The following FGD6 variants were observed in gnomAD, a reference collection of about 807,000 sequenced individuals.
The protein encoded by FGD6 is FYVE, RhoGEF and PH domain containing 6.
FGD6 carries 90 observed loss-of-function variants against 149.4 expected under a neutral mutation model. The ratio of observed to expected loss-of-function variants is 0.60; its 90% CI spans 0.51 to 0.72. The LOEUF (loss-of-function observed/expected upper bound fraction) is 0.72, where lower values mean the gene tolerates loss of function less well. Among genes scored for constraint, FGD6 ranks in the 30% least tolerant of loss-of-function variants. The pLI, the probability that FGD6 is intolerant of heterozygous loss-of-function variation, is 0.00. For missense variants in FGD6, 1,437 were observed against 1,684.8 expected (o/e 0.85, Z 2.57); for synonymous variants, 527 against 584.0 (o/e 0.90, Z 1.41).
intron 20 of FGD6, among the ~76,000 whole-genome samples, chr12:95,082,113 G>A (rs1436708136): frequency 6.6e-6 from 1 of 152,108 alleles, no homozygotes; most frequent in East Asian, 1.9e-4. Flanking sequence ...CATGTATAAA[G>A]GTTCTATGAA....
At chr12:95,082,986 A>T (rs1323761306) in intron 20 of FGD6, among the ~76,000 whole-genome samples, 20 of 38,020 alleles carry the variant, frequency 5.3e-4, no homozygotes, top group Admixed American at 9.3e-4. Context: ...GTCTCCATTA[A>T]AAAAAAAAAA....
intron 13 of FGD6, among the ~76,000 whole-genome samples, chr12:95,106,419 C>T (rs1166390232): frequency 8.9e-5 from 13 of 145,326 alleles, no homozygotes; most frequent in Admixed American, 2.1e-4. Context: ...TACAGGTGTG[C>T]GCCACCACGC....
chr12:95,168,233 T>C (rs1198715218), intron 3 of FGD6, among the ~76,000 whole-genome samples: 1 of 152,212 alleles, frequency 6.6e-6, no homozygotes, highest in African/African-American at 2.4e-5. Context: ...AACAAAATAC[T>C]ACCTTACATG....
At chr12:95,158,076 G>C (rs547089496) in intron 3 of FGD6, among the ~76,000 whole-genome samples, 1 of 151,484 alleles carries the variant, frequency 6.6e-6, no homozygotes, top group South Asian at 2.1e-4. Flanking sequence ...TCGATCTCCT[G>C]ACCTCGTGAT....
rs1158755789 is a variant in FGD6 at position 95,209,838 on chromosome 12, C to G, written c.1446G>C (p.Lys482Asn). Residue 482 changes from lysine (K) to asparagine (N), a missense_variant, in exon 2 of 21, where the codon AAG becomes AAC. Lys to Asn is a moderately conservative substitution (Grantham distance 94). Coordinates refer to ENST00000343958, the MANE Select transcript of FGD6 (RefSeq NM_018351.4). The part of the protein sequence containing the change: ...NLGVSAPQMQ[K>N]ESVIKEENSL... ...AATTTTCCTCTTTTATAACAGATTCCTTTTGCATTTGAGGGGCAGAAACTC... is the reference window on the plus strand; with the variant it reads ...AATTTTCCTCTTTTATAACAGATTCGTTTTGCATTTGAGGGGCAGAAACTC... The G allele has an allele frequency of 1.2e-6, 2 of 1,607,476 alleles. No homozygotes were observed. Among genetic ancestry groups the G allele is most frequent in the Non-Finnish European group, 8.5e-7 (1 of 1,178,508 alleles).
rs751217978 is a variant in FGD6 at position 95,210,238 on chromosome 12, G to A, written c.1046C>T (p.Ser349Phe). 14 of 1,613,986 alleles carry A rather than the reference G, an allele frequency of 8.7e-6. No individual in the cohort carries two copies. The highest frequency in any genetic ancestry group is 2.2e-5 in the South Asian group (2 of 91,086). ...TTTCAAACTATTTTCAGTAAGACAGGAAGAGCTACTGTCTGAATTCCCCGG... is the reference window on the plus strand; with the variant it reads ...TTTCAAACTATTTTCAGTAAGACAGAAAGAGCTACTGTCTGAATTCCCCGG... The part of the protein sequence containing the change: ...EEPGNSDSSS[S>F]CLTENSLKIN... Residue 349 changes from serine (S) to phenylalanine (F), a missense_variant, in exon 2 of 21, where the codon TCC (serine) becomes TTC (phenylalanine). Ser to Phe is a radical substitution (Grantham distance 155). Coordinates refer to ENST00000343958, the MANE Select transcript of FGD6 (RefSeq NM_018351.4).
rs141232857 is a variant in FGD6, at chr12:95,210,601, G to T, written c.683C>A (p.Ser228Tyr). The T allele has an allele frequency of 8.4e-4, 1,360 of 1,614,164 alleles. 11 individuals are homozygous for T. The African/African-American group carries it at 0.01, about 12-fold the overall frequency. ...AGGAACTTTTTCAAAGCTGGATGGGGAAGGTGACAAATCCGCAAATTCAAT... is the reference window on the plus strand; with the variant it reads ...AGGAACTTTTTCAAAGCTGGATGGGTAAGGTGACAAATCCGCAAATTCAAT... ...FRIEFADLSP[S>Y]PSSFEKVPDH... Residue 228 changes from serine to tyrosine, a missense_variant, in exon 2 of 21, where the codon TCC (serine) becomes TAC (tyrosine). Physicochemically the swap from Ser to Tyr is moderately radical, Grantham distance 144. Coordinates refer to ENST00000343958, the MANE Select transcript of FGD6 (RefSeq NM_018351.4).
intron 8 of FGD6, chr12:95,116,772 C>T (rs1241790840): frequency 4.4e-6 from 2 of 451,704 alleles, no homozygotes; most frequent in East Asian, 1.4e-4. Flanking sequence ...ATCCATCAAC[C>T]CATCCATCCA....
Position 95,114,535 on chromosome 12 carries a change from C to CA in FGD6, c.3083-835dup, listed in dbSNP as rs1196338300. 1.6e-3 allele frequency among the ~76,000 whole-genome samples: 215 copies of CA among 135,792 alleles called. 2 individuals are homozygous for CA. Among genetic ancestry groups the CA allele is most frequent in the African/African-American group, 5.1e-3 (187 of 36,684 alleles). The allele number at this position is 135,792 out of a possible 152,430, so 89.1% of individuals were successfully genotyped here. A position where few individuals can be genotyped will look rare whatever the true frequency, so the allele number is the denominator to read the frequency against. On this transcript the variant is annotated intron_variant, in intron 8 of 20. Coordinates refer to ENST00000343958, the MANE Select transcript of FGD6 (RefSeq NM_018351.4). Reference sequence around the variant, plus strand: ...AATATCTTATAATGCAGCCCTGCAACAAAAAAAAAAATTATCTGACCCCAA... The same window carrying CA: ...AATATCTTATAATGCAGCCCTGCAACAAAAAAAAAAAATTATCTGACCCCAA...
Position 95,210,020 on chromosome 12 carries a change from A to G in FGD6, c.1264T>C (p.Ser422Pro), listed in dbSNP as rs992800831. 1.2e-6 allele frequency: 2 copies of G among 1,613,472 alleles called. No individual in the cohort carries two copies. Among genetic ancestry groups the G allele is most frequent in the African/African-American group, 1.3e-5 (1 of 74,862 alleles). ...EKMAPSFDKD[S>P]NLSSDSTTVD... ...GTTGTGCTGTCAGAACTCAAATTAG[A>G]GTCTTTATCAAAAGAAGGTGCCATT... Residue 422 changes from serine to proline, a missense_variant, in exon 2 of 21, where the codon TCT (serine) becomes CCT (proline). Coordinates refer to ENST00000343958, the MANE Select transcript of FGD6 (RefSeq NM_018351.4).
At chr12:95,172,253 G>C (rs1881014792) in intron 3 of FGD6, among the ~76,000 whole-genome samples, 2 of 152,184 alleles carry the variant, frequency 1.3e-5, no homozygotes, top group South Asian at 4.1e-4. Flanking sequence ...GCAGGTGTCT[G>C]TAATGCCAGG....
At chr12:95,118,759 C>T (rs1879099551) in intron 8 of FGD6, among the ~76,000 whole-genome samples, 1 of 152,148 alleles carries the variant, frequency 6.6e-6, no homozygotes, top group African/African-American at 2.4e-5. Context: ...GCAACACATA[C>T]AGAATTATGG....
chr12:95,160,859 T>C lies in FGD6; in HGVS notation c.2587-7866A>G, dbSNP rs142623570. ...AGCCTGGGTGACGAGAGCAAAACTC[T>C]GTCTCAAAAAAACAAAACAAACAAA... On this transcript the variant is annotated intron_variant, in intron 3 of 20. Coordinates refer to ENST00000343958, the MANE Select transcript of FGD6 (RefSeq NM_018351.4). 6.3e-3 allele frequency among the ~76,000 whole-genome samples: 940 copies of C among 149,390 alleles called. 16 individuals are homozygous for C. The highest frequency in any genetic ancestry group is 0.022 in the African/African-American group (890 of 40,504).
At chr12:95,089,486 C>T in intron 18 of FGD6, 83 bp downstream of exon 18, 1 of 1,471,706 alleles carries the variant, frequency 6.8e-7, no homozygotes, top group East Asian at 2.3e-5. Flanking sequence ...ATGACATCTT[C>T]CTTTATGAAA....
At chr12:95,153,214 C>A (rs1235736603) in intron 3 of FGD6, among the ~76,000 whole-genome samples, 1 of 152,198 alleles carries the variant, frequency 6.6e-6, no homozygotes, top group African/African-American at 2.4e-5. Context: ...CTGTCATTAG[C>A]TGGATTGATG....
rs779790999 is a variant in FGD6, at chr12:95,146,203, TCTTTAA to T, written c.2686-4670_2686-4665del. On this transcript the variant is annotated intron_variant, in intron 5 of 20. Transcript: ENST00000343958. ...ATTCACACAGGAACCACACGCAGAA[TCTTTAA>T]CTTCTCAGCTCTTCACGAACCTCAG... is the stretch of plus-strand genomic sequence containing the variant. Among the ~76,000 whole-genome samples, 13 of 152,288 alleles carry T rather than the reference TCTTTAA, an allele frequency of 8.5e-5. No individual in the cohort carries two copies. The South Asian group carries it at 2.7e-3, about 32-fold the overall frequency.
rs1878649597 is a variant in FGD6, at chr12:95,106,976, ATGT to A, written c.3392_3394del (p.Asn1131del). On this transcript the variant is annotated inframe_deletion, in exon 13 of 21. Coordinates refer to ENST00000343958, the MANE Select transcript of FGD6 (RefSeq NM_018351.4). The stretch of plus-strand genomic sequence containing the variant: ...CACCTTCATTCCAGCCAGTGAGAGC[ATGT>A]TGTTCAGTTTATACATCCCAGACTG... 6.2e-7 allele frequency: 1 copy of A among 1,613,574 alleles called. No homozygotes were observed. Among genetic ancestry groups the A allele is most frequent in the African/African-American group, 1.3e-5 (1 of 74,904 alleles).
chr12:95,161,831 C>T (rs1246099704), intron 3 of FGD6, among the ~76,000 whole-genome samples: 7 of 152,072 alleles, frequency 4.6e-5, no homozygotes, highest in Non-Finnish European at 7.4e-5. Flanking sequence ...TTCTACCACC[C>T]GCCCATTCAC....
intron 8 of FGD6, among the ~76,000 whole-genome samples, chr12:95,116,187 T>A (rs1565900078): frequency 1.3e-5 from 2 of 152,200 alleles, no homozygotes; most frequent in South Asian, 4.1e-4. Context: ...TTCAATATAT[T>A]ACATAATCCG....
Sources: gnomAD v4.1 joint callset for allele counts (sites outside exome capture counted in the v4.1 genomes callset) on GRCh38, gnomAD v4.1.1 for gene constraint, MANE v1.5 for transcripts, NCBI Gene and HGNC (gene_info 2026-07-23, HGNC 2026-07-21) for gene names.